TBX1: variants seen among roughly 807,000 people sequenced by gnomAD.
TBX1 encodes the protein T-box transcription factor 1.
A neutral mutation model predicts 40.8 loss-of-function variants in TBX1; 16 were observed. The observed-to-expected ratio is 0.39, with a 90% CI of 0.27 to 0.60. The LOEUF is 0.60. TBX1 is among the 20% of genes least tolerant of loss of function. The probability of loss-of-function intolerance (pLI) is 0.51; values close to 1 mark genes in which losing one functional copy is unlikely to be tolerated. For missense variants in TBX1, 755 were observed against 728.5 expected (o/e 1.04, Z -0.42); for synonymous variants, 403 against 336.8 (o/e 1.20, Z -2.15).
intron 2 of TBX1, chr22:19,763,597 C>T (rs575197695): frequency 9.2e-6 from 5 of 543,372 alleles, no homozygotes; most frequent in East Asian, 6.4e-5. Flanking sequence ...TGGTGTGGCC[C>T]TAGGGTGGTC....
intron 2 of TBX1, chr22:19,763,712 G>GCTGGGC (rs2145833041): frequency 2.5e-6 from 1 of 401,218 alleles, no homozygotes; most frequent in East Asian, 5.2e-5. Context: ...GGATCCTGGA[G>GCTGGGC]CTGGGCCGGA....
downstream of TBX1, among the ~76,000 whole-genome samples, chr22:19,769,588 G>C (rs1936954009): frequency 6.6e-6 from 1 of 152,250 alleles, no homozygotes; most frequent in Non-Finnish European, 1.5e-5. Flanking sequence ...CCCAGTGATT[G>C]CCTGCCCGCT....
chr22:19,766,358 G>A, intron 6 of TBX1, 31 bp from the exon 7 acceptor site: 3 of 1,255,828 alleles, frequency 2.4e-6, no homozygotes, highest in Non-Finnish European at 3.0e-6. Flanking sequence ...GGCCCCGGCC[G>A]GCCGCGCTCA....
Position 19,764,991 on chromosome 22 carries a change from C to T in TBX1, c.745C>T (p.Arg249Cys), listed in dbSNP as rs1936783557. The change falls in exon 4 of 7, where the codon CGC becomes TGC. Residue 249 changes from arginine to cysteine, a missense_variant. Coordinates refer to ENST00000649276, the MANE Select transcript of TBX1 (RefSeq NM_001379200.1). ...ILNSMHRYQPRFHVVYVDPRK... is the reference protein window; with the variant it reads ...ILNSMHRYQPCFHVVYVDPRK... ...GAATTCCATGCACAGATACCAGCCC[C>T]GCTTCCACGTGGTCTATGTGGACCC... 4 of 1,614,202 alleles carry T rather than the reference C, an allele frequency of 2.5e-6. No individual in the cohort carries two copies. Among genetic ancestry groups the T allele is most frequent in the Non-Finnish European group, 3.4e-6 (4 of 1,180,026 alleles).
At chr22:19,761,399 C>T (rs1936657400) in intron 1 of TBX1, 119 bp downstream of exon 1, 1 of 1,268,206 alleles carries the variant, frequency 7.9e-7, no homozygotes, top group Non-Finnish European at 1.0e-6. Context: ...GCCTGGCCAC[C>T]TGCGGGCCCC....
Position 19,764,244 on chromosome 22 carries a change from C to G in TBX1, c.629C>G (p.Ala210Gly). The G allele has an allele frequency of 1.2e-6, 2 of 1,613,378 alleles. No individual in the cohort carries two copies. Among genetic ancestry groups the G allele is most frequent in the Non-Finnish European group, 1.7e-6 (2 of 1,179,950 alleles). ...GRVHYHPDSP[A>G]KGAQWMKQIV... ...GTGCACTACCACCCGGACTCGCCTG[C>G]CAAGGGCGCGCAGTGGATGAAGCAA... The change falls in exon 3 of 7, where the codon GCC becomes GGC. Residue 210 changes from alanine (A) to glycine (G), a missense_variant. By Grantham distance (60) the Ala-to-Gly change is moderately conservative. Around this residue, in one of 3 missense-constraint regions of TBX1, gnomAD observed 144 missense variants for 238.0 expected, o/e 0.61. Coordinates refer to ENST00000649276, the MANE Select transcript of TBX1 (RefSeq NM_001379200.1).
At chr22:19,757,113 G>A (rs1936504266), upstream of TBX1, among the ~76,000 whole-genome samples, 1 of 152,216 alleles carries the variant, frequency 6.6e-6, no homozygotes, top group Non-Finnish European at 1.5e-5. Context: ...ACGGGGTCCG[G>A]GGGTCCGAAA....
chr22:19,777,754 CTTAA>C lies in TBX1; in HGVS notation c.1010-1463_1010-1460del, dbSNP rs1392238952. ...CACAGGTTCAGGGTGTGTTGTTACTCTTAATTTTTTTTTTTTTTTTTTTGAGACA... is the reference window on the plus strand; with the variant it reads ...CACAGGTTCAGGGTGTGTTGTTACTCTTTTTTTTTTTTTTTTTTTGAGACA... On this transcript the variant is annotated intron_variant, in intron 8 of 8. Transcript: ENST00000329705. Among the ~76,000 whole-genome samples the C allele has an allele frequency of 3.5e-5, 5 of 144,724 alleles. No individual in the cohort carries two copies. The East Asian group carries it at 9.9e-4, about 29-fold the overall frequency. 94.9% of individuals were successfully genotyped at this position (144,724 alleles called of 152,430 possible).
At chr22:19,760,067 C>CA (rs545568456), upstream of TBX1, among the ~76,000 whole-genome samples, 16 of 149,888 alleles carry the variant, frequency 1.1e-4, no homozygotes, top group Admixed American at 6.0e-4. Flanking sequence ...GGAGAAAACA[C>CA]AAAAAACCCA....
chr22:19,765,880 C>T, intron 5 of TBX1, 22 bp from the exon 6 acceptor site: 4 of 1,552,812 alleles, frequency 2.6e-6, no homozygotes, highest in East Asian at 2.5e-5. Context: ...AGGCGCCGCC[C>T]TGATCCGCCT....
upstream of TBX1, among the ~76,000 whole-genome samples, chr22:19,760,481 G>A (rs956535805): frequency 1.3e-5 from 2 of 148,190 alleles, no homozygotes; most frequent in African/African-American, 2.5e-5. Context: ...CTGGGAGAGA[G>A]AGAGGAGAAA....
chr22:19,761,125 G>A lies in TBX1; in HGVS notation c.282G>A (p.Glu94=). 1 of 1,328,904 alleles carries A rather than the reference G, an allele frequency of 7.5e-7. No individual in the cohort carries two copies. Among genetic ancestry groups the A allele is most frequent in the South Asian group, 1.9e-5 (1 of 53,210 alleles). 82.3% of individuals were successfully genotyped at this position (1,328,904 alleles called of 1,614,324 possible). ...GGGCCGCCACCAGCGCCGCCGCCGA[G>A]CCCGAGGGCCCCGGGGCCAGCTGCG... ...AAGAATSAAA[E]PEGPGASCAA... is the part of the protein sequence containing the mutation. The change falls in exon 1 of 7, where the codon GAG becomes GAA. Residue 94 remains glutamate (E), a synonymous_variant. Transcript: ENST00000649276.
chr22:19,760,564 G>T (rs1331553014), upstream of TBX1, among the ~76,000 whole-genome samples: 1 of 139,602 alleles, frequency 7.2e-6, no homozygotes, highest in African/African-American at 2.6e-5. Context: ...CCGGGCGGTC[G>T]GGGGGCCCCG....
rs41300468 is a variant in TBX1, at chr22:19,772,573, C to T, written c.1009+6571C>T. Reference sequence around the variant, plus strand: ...TCAAGTGATCCTTTGGCCTCAGCCTCCCAAATTGCTGGCATTACAAGCGTG... The same window carrying T: ...TCAAGTGATCCTTTGGCCTCAGCCTTCCAAATTGCTGGCATTACAAGCGTG... On this transcript the variant is annotated intron_variant, in intron 8 of 8. Transcript: ENST00000329705. 2.3e-3 allele frequency among the ~76,000 whole-genome samples: 355 copies of T among 152,330 alleles called. 1 individual carries two copies. Among genetic ancestry groups the T allele is most frequent in the African/African-American group, 8.2e-3 (341 of 41,576 alleles).
upstream of TBX1, chr22:19,759,494 A>G: frequency 4.7e-6 from 7 of 1,482,054 alleles, no homozygotes; most frequent in South Asian, 2.6e-5. Flanking sequence ...CCGGGCGCCT[A>G]TGGACGCGCG....
At chr22:19,761,317 C>T in intron 1 of TBX1, 37 bp downstream of exon 1, 1 of 1,519,408 alleles carries the variant, frequency 6.6e-7, no homozygotes, top group Non-Finnish European at 8.9e-7. Context: ...ACCCTCCCCA[C>T]GTGCTGCCGC....
downstream of TBX1, among the ~76,000 whole-genome samples, chr22:19,782,009 T>G (rs1458363474): frequency 6.7e-6 from 1 of 149,980 alleles, no homozygotes; most frequent in East Asian, 2.0e-4. Flanking sequence ...TCTATTACAT[T>G]GGTCTTTACA....
rs371557427 is a variant in TBX1, at chr22:19,766,639, C to A, written c.1287C>A (p.Ala429=). The A allele has an allele frequency of 1.3e-6, 2 of 1,551,312 alleles. No homozygotes were observed. Among genetic ancestry groups the A allele is most frequent in the South Asian group, 2.3e-5 (2 of 86,112 alleles). The change falls in exon 7 of 7, where the codon GCC becomes GCA. Residue 429 remains alanine (A), a synonymous_variant. Coordinates refer to ENST00000649276, the MANE Select transcript of TBX1 (RefSeq NM_001379200.1). ...ACCACCACCCCTACAAATATCCGGC[C>A]GCCGCCTACGACCACTATCTCGGGG... ...PLHHHPYKYP[A]AAYDHYLGAK...
chr22:19,779,396 C>T (rs753046301), exon 9 of TBX1: 25 of 1,614,146 alleles, frequency 1.5e-5, no homozygotes, highest in East Asian at 1.3e-4. Flanking sequence ...CGCAGGTGAC[C>T]GTCTTTGTTG....
Sources: gnomAD v4.1 joint callset for allele counts (sites outside exome capture counted in the v4.1 genomes callset) on GRCh38, gnomAD v4.1.1 for gene constraint, gnomAD v4.1.1 regional missense constraint, MANE v1.5 for transcripts, NCBI Gene and HGNC (gene_info 2026-07-23, HGNC 2026-07-21) for gene names.